Variants in CCDC148 observed in about 807,000 individuals in gnomAD.
The protein encoded by CCDC148 is coiled-coil domain-containing protein 148.
In CCDC148, 89 loss-of-function variants were observed where a neutral mutation model predicts 85.7. The observed-to-expected ratio is 1.04, with a 90% CI of 0.87 to 1.24. CCDC148 has a LOEUF of 1.24. Ranked by LOEUF, CCDC148 falls within the 50% of genes most tolerant of loss-of-function variation. The pLI is 0.00. For synonymous variants in CCDC148, 230 were observed against 213.9 expected (o/e 1.08, Z -0.66); for missense variants, 692 against 671.7 (o/e 1.03, Z -0.33).
intron 1 of CCDC148, among the ~76,000 whole-genome samples, chr2:158,366,984 G>A (rs749710394): frequency 8.5e-5 from 13 of 152,122 alleles, no homozygotes; most frequent in Non-Finnish European, 1.3e-4. Flanking sequence ...ACTCTGCCAA[G>A]TTACCAAGAA....
rs1356257475 is a variant in CCDC148, at chr2:158,358,534, T to A, written c.62A>T (p.Asn21Ile). The change falls in exon 2 of 14, where the codon AAC becomes ATC. Residue 21 changes from asparagine to isoleucine, a missense_variant. Coordinates refer to ENST00000283233, the MANE Select transcript of CCDC148 (RefSeq NM_138803.4). Reference protein sequence around the residue: ...LVFHMKNEMRNIKYKPVDYQQ... With the variant: ...LVFHMKNEMRIIKYKPVDYQQ... ...ATAGTCTACTGGTTTGTACTTGATGTTTCTCATCTCATTTTTCATATGGAA... is the reference window on the plus strand; with the variant it reads ...ATAGTCTACTGGTTTGTACTTGATGATTCTCATCTCATTTTTCATATGGAA... 17 of 1,595,040 alleles carry A rather than the reference T, an allele frequency of 1.1e-5. No homozygotes were observed. The highest frequency in any genetic ancestry group is 1.3e-5 in the Non-Finnish European group (15 of 1,172,354).
chr2:158,383,258 G>A (rs1251137479), intron 1 of CCDC148, among the ~76,000 whole-genome samples: 1 of 151,800 alleles, frequency 6.6e-6, no homozygotes, highest in Non-Finnish European at 1.5e-5. Flanking sequence ...TGGAGGTTGT[G>A]GTGAGCTGAG....
In CCDC148 at chr2:158,345,490, G is replaced by A. The variant is rs527996547; in HGVS notation, c.148-172C>T. 5.3e-4 allele frequency among the ~76,000 whole-genome samples: 81 copies of A among 152,188 alleles called. 1 individual carries two copies. The highest frequency in any genetic ancestry group is 2.0e-3 in the African/African-American group (81 of 41,534). On this transcript the variant is annotated intron_variant, in intron 2 of 13. Coordinates refer to ENST00000283233, the MANE Select transcript of CCDC148 (RefSeq NM_138803.4). ...AAAATAAATTTGATTTTTTAAAGCA[G>A]GGAGGAGAAAGAAAAATGGTTGGGA...
chr2:158,447,063 T>C (rs1431821570), intron 1 of CCDC148: 1 of 152,258 alleles, frequency 6.6e-6, no homozygotes, highest in South Asian at 2.1e-4. Context: ...CTACTGTTCA[T>C]GTAAAAGTCT....
chr2:158,230,875 A>C (rs1201652632), intron 10 of CCDC148, among the ~76,000 whole-genome samples: 2 of 152,182 alleles, frequency 1.3e-5, no homozygotes, highest in Non-Finnish European at 2.9e-5. Flanking sequence ...TTCCATGTGA[A>C]GATTGCAGGA....
intron 1 of CCDC148, among the ~76,000 whole-genome samples, chr2:158,449,527 A>C (rs1475478423): frequency 6.6e-6 from 1 of 151,058 alleles, no homozygotes; most frequent in Admixed American, 6.6e-5. Context: ...GGCTCACTGC[A>C]GCCCCCACCT....
At chr2:158,246,769 GAAGAA>G (rs747651909) in intron 10 of CCDC148, among the ~76,000 whole-genome samples, 17 of 152,174 alleles carry the variant, frequency 1.1e-4, no homozygotes, top group Non-Finnish European at 2.5e-4. Context: ...GGAGACCAGA[GAAGAA>G]AAGGGTCAAG....
Position 158,434,929 on chromosome 2 carries a change from A to C in CCDC148, c.25+21486T>G, listed in dbSNP as rs139807890. Among the ~76,000 whole-genome samples, 508 of 152,348 alleles carry C rather than the reference A, an allele frequency of 3.3e-3. 7 individuals are homozygous for C. In the East Asian group the frequency reaches 0.041, roughly 12 times the overall value. Reference sequence around the variant, plus strand: ...AAGCGAGAAGAGAAGTTTACAGACAAAAGAGTAAAAAGAAATGAACAAAGC... The same window carrying C: ...AAGCGAGAAGAGAAGTTTACAGACACAAGAGTAAAAAGAAATGAACAAAGC... On this transcript the variant is annotated intron_variant, in intron 1 of 13. Transcript: ENST00000283233.
At chr2:158,221,151 A>G (rs1346126652) in intron 10 of CCDC148, among the ~76,000 whole-genome samples, 1 of 152,194 alleles carries the variant, frequency 6.6e-6, no homozygotes, top group Non-Finnish European at 1.5e-5. Flanking sequence ...TATTTATGCT[A>G]ATGGACAGCA....
intron 1 of CCDC148, among the ~76,000 whole-genome samples, chr2:158,389,457 G>A (rs1685216724): frequency 6.6e-6 from 1 of 152,180 alleles, no homozygotes; most frequent in Admixed American, 6.5e-5. Flanking sequence ...AGTTAATTGG[G>A]CTGATCCCAG....
chr2:158,266,844 GTGTGTGTGTC>G (rs1689476375), intron 9 of CCDC148, among the ~76,000 whole-genome samples: 2 of 148,338 alleles, frequency 1.3e-5, no homozygotes, highest in South Asian at 2.2e-4. Context: ...GTACATATAT[GTGTGTGTGTC>G]TGTGTGTGTG....
At chr2:158,337,320 C>T (rs1406002641) in intron 7 of CCDC148, among the ~76,000 whole-genome samples, 2 of 152,116 alleles carry the variant, frequency 1.3e-5, no homozygotes, top group Non-Finnish European at 2.9e-5. Flanking sequence ...GTCAGATTTA[C>T]CCTCTTCACA....
chr2:158,255,991 C>T (rs1688994805), intron 9 of CCDC148, among the ~76,000 whole-genome samples: 1 of 151,714 alleles, frequency 6.6e-6, no homozygotes, highest in African/African-American at 2.4e-5. Flanking sequence ...TGGTTAGTAG[C>T]ATTACATGTA....
At chr2:158,298,929 T>A (rs1173918989) in intron 9 of CCDC148, among the ~76,000 whole-genome samples, 2 of 152,218 alleles carry the variant, frequency 1.3e-5, no homozygotes, top group Admixed American at 1.3e-4. Flanking sequence ...CATCATATTT[T>A]GGACATTGTG....
chr2:158,281,394 T>A (rs7585814), intron 9 of CCDC148, among the ~76,000 whole-genome samples: 138,299 of 152,116 alleles, frequency 0.91, 62,979 homozygotes, highest in East Asian at 0.98. Context: ...ACTAATAAAG[T>A]AGAAAAGAGA....
At chr2:158,347,144 T>C (rs912922108) in intron 2 of CCDC148, among the ~76,000 whole-genome samples, 8 of 152,222 alleles carry the variant, frequency 5.3e-5, no homozygotes, top group Non-Finnish European at 1.2e-4. Flanking sequence ...TCCAGCCATT[T>C]ACCATACACA....
At chr2:158,398,853 G>C (rs1461696783) in intron 1 of CCDC148, among the ~76,000 whole-genome samples, 1 of 151,926 alleles carries the variant, frequency 6.6e-6, no homozygotes, top group African/African-American at 2.4e-5. Flanking sequence ...TTTTTGAAAA[G>C]ATCAACAAAA....
intron 2 of CCDC148, among the ~76,000 whole-genome samples, chr2:158,347,613 C>T (rs892237055): frequency 2.0e-5 from 3 of 152,022 alleles, no homozygotes; most frequent in African/African-American, 4.8e-5. Context: ...TTCAAAAATA[C>T]TCTGGAAACA....
At chr2:158,364,608 T>C (rs1574700579) in intron 1 of CCDC148, among the ~76,000 whole-genome samples, 1 of 152,202 alleles carries the variant, frequency 6.6e-6, no homozygotes, top group Non-Finnish European at 1.5e-5. Context: ...TGGCTAGCCA[T>C]ATGCAGAAAA....
Sources: gnomAD v4.1 joint callset for allele counts (sites outside exome capture counted in the v4.1 genomes callset) on GRCh38, gnomAD v4.1.1 for gene constraint, MANE v1.5 for transcripts, NCBI Gene and HGNC (gene_info 2026-07-23, HGNC 2026-07-21) for gene names.